The following GLB1 variants were observed in gnomAD, a reference collection of about 807,000 sequenced individuals.
The protein encoded by GLB1 is galactosidase beta 1, also known as beta-galactosidase.
GLB1 carries 56 observed loss-of-function variants against 74.0 expected under a neutral mutation model. That is an observed-to-expected ratio of 0.76 (90% CI 0.61 to 0.94). The LOEUF (loss-of-function observed/expected upper bound fraction) is 0.94, where lower values mean the gene tolerates loss of function less well. GLB1 is among the 40% of genes least tolerant of loss of function. The pLI is 0.00. For synonymous variants in GLB1, 323 were observed against 323.6 expected (o/e 1.00, Z 0.02); for missense variants, 787 against 845.5 (o/e 0.93, Z 0.86).
intron 10 of GLB1, among the ~76,000 whole-genome samples, chr3:33,044,406 C>A (rs1698661241): frequency 6.6e-6 from 1 of 151,884 alleles, no homozygotes. Flanking sequence ...CACAGCAGTA[C>A]TTGAAGGAAA....
At chr3:32,966,878 C>T in the GLB1 span, among the ~76,000 whole-genome samples, 18 of 152,174 alleles carry the variant, frequency 1.2e-4, no homozygotes, top group Non-Finnish European at 2.2e-4. Flanking sequence ...CCATGTAAGA[C>T]GTGCCTTTGC....
chr3:33,067,917 G>A (rs186556094), intron 4 of GLB1, among the ~76,000 whole-genome samples: 2 of 152,188 alleles, frequency 1.3e-5, no homozygotes, highest in East Asian at 3.9e-4. Flanking sequence ...ACAGAGTCAC[G>A]CTTTGTCACC....
At chr3:32,975,191 C>T in the GLB1 span, among the ~76,000 whole-genome samples, 164 of 152,258 alleles carry the variant, frequency 1.1e-3, 1 homozygote, top group African/African-American at 3.1e-3. Flanking sequence ...AAGTGATCCT[C>T]CCACCTCAGC....
chr3:33,036,103 G>C lies in GLB1; in HGVS notation c.1068+10017C>G, dbSNP rs143766434. Among the ~76,000 whole-genome samples, 363 of 152,264 alleles carry C rather than the reference G, an allele frequency of 2.4e-3. 4 individuals carry two copies. The highest frequency in any genetic ancestry group is 4.1e-3 in the Admixed American group (63 of 15,292). ...AGATTGGAAGTAAGATCCCTTCCTG[G>C]CCAGTCAATACTGAAGTTTAAAATT... On this transcript the variant is annotated intron_variant, in intron 10 of 15. Transcript: ENST00000307363.
chr3:32,973,943 C>T, the GLB1 span, among the ~76,000 whole-genome samples: 1 of 152,122 alleles, frequency 6.6e-6, no homozygotes, highest in East Asian at 1.9e-4. Context: ...AGCTCAGATC[C>T]TGTAGGGTAA....
intron 10 of GLB1, chr3:33,034,483 G>T: frequency 1.4e-6 from 1 of 732,998 alleles, no homozygotes; most frequent in East Asian, 2.5e-5. Context: ...ACAGTGACTG[G>T]GTTTGAGATG....
At chr3:33,052,399 C>T (rs375268424) in intron 7 of GLB1, among the ~76,000 whole-genome samples, 6 of 152,058 alleles carry the variant, frequency 3.9e-5, no homozygotes, top group East Asian at 1.9e-4. Flanking sequence ...TTTGGGAGGC[C>T]GAGGTGGGCG....
In GLB1 at chr3:33,045,933, C is replaced by T; in HGVS notation, c.1068+187G>A. The T allele has an allele frequency of 4.4e-6, 4 of 919,410 alleles. No homozygotes were observed. In the South Asian group the frequency reaches 6.0e-5, roughly 14 times the overall value. The allele number at this position is 919,410 out of a possible 1,614,324, so 57.0% of individuals were successfully genotyped here. A position where few individuals can be genotyped will look rare whatever the true frequency, so the allele number is the denominator to read the frequency against. ...CTTATATCTCCTACTCTCCTATAAG[C>T]ATCTGCTCATAGACTCACTCTTAAC... On this transcript the variant is annotated intron_variant, in intron 10 of 15. Coordinates refer to ENST00000307363, the MANE Select transcript of GLB1 (RefSeq NM_000404.4).
At chr3:33,026,147 A>C (rs1161687721) in intron 10 of GLB1, among the ~76,000 whole-genome samples, 1 of 121,430 alleles carries the variant, frequency 8.2e-6, no homozygotes, top group Non-Finnish European at 2.0e-5. Context: ...TGCAGACGGA[A>C]ACATCTCTGC....
chr3:33,027,227 G>C (rs907166194), intron 10 of GLB1, among the ~76,000 whole-genome samples: 3 of 152,256 alleles, frequency 2.0e-5, no homozygotes, highest in Admixed American at 2.0e-4. Context: ...TCCAGCTGCA[G>C]CCTTGCAGAG....
chr3:32,978,489 T>C, the GLB1 span, among the ~76,000 whole-genome samples: 3 of 152,152 alleles, frequency 2.0e-5, no homozygotes, highest in African/African-American at 7.2e-5. Flanking sequence ...TCTGATACAA[T>C]AGGAGTTTTG....
At chr3:33,043,866 T>G (rs772525128) in intron 10 of GLB1, among the ~76,000 whole-genome samples, 14 of 36,466 alleles carry the variant, frequency 3.8e-4, no homozygotes, top group Non-Finnish European at 1.1e-3. Flanking sequence ...AAAAAAAGGC[T>G]TCCAGGCAAA....
intron 1 of GLB1, among the ~76,000 whole-genome samples, chr3:33,081,295 G>A (rs1019436458): frequency 1.1e-4 from 17 of 152,172 alleles, no homozygotes; most frequent in Non-Finnish European, 2.2e-4. Context: ...ATCCCAGGCC[G>A]GATATGGGGA....
At chr3:33,018,130 CAAAACATT>C (rs1697310652) in intron 13 of GLB1, among the ~76,000 whole-genome samples, 1 of 151,434 alleles carries the variant, frequency 6.6e-6, no homozygotes, top group Non-Finnish European at 1.5e-5. Context: ...CAAAAAAAAT[CAAAACATT>C]AGCCAGGCAT....
rs577402223 is a variant in GLB1 at position 33,069,310 on chromosome 3, G to A, written c.246-340C>T. On this transcript the variant is annotated intron_variant, in intron 2 of 15. Transcript: ENST00000307363. ...TTGAGGTGGAGGTTTGCTTAAGCTA[G>A]GGAGGTTGAAGCTGCAGTGAGCTGT... 2.1e-4 allele frequency among the ~76,000 whole-genome samples: 32 copies of A among 152,316 alleles called. No homozygotes were observed. The East Asian group carries it at 5.6e-3, about 27-fold the overall frequency.
At chr3:33,006,934 G>A (rs533278858) in intron 15 of GLB1, among the ~76,000 whole-genome samples, 165 of 152,192 alleles carry the variant, frequency 1.1e-3, no homozygotes, top group Non-Finnish European at 1.9e-3. Flanking sequence ...ACCCCACACC[G>A]CAACTGCCAG....
chr3:33,049,128 C>T (rs1052941987), intron 9 of GLB1, among the ~76,000 whole-genome samples: 1 of 152,032 alleles, frequency 6.6e-6, no homozygotes, highest in Non-Finnish European at 1.5e-5. Flanking sequence ...AAAAACGATG[C>T]CTTTTTTCCT....
the GLB1 span, among the ~76,000 whole-genome samples, chr3:32,967,458 T>C: frequency 6.6e-6 from 1 of 152,102 alleles, no homozygotes; most frequent in Non-Finnish European, 1.5e-5. Context: ...TCCCAGCTAC[T>C]AGGGAGGCTG....
chr3:33,038,085 G>T (rs1254758823), intron 10 of GLB1: 1 of 145,000 alleles, frequency 6.9e-6, no homozygotes, highest in Non-Finnish European at 1.5e-5. Context: ...TTGCATATCT[G>T]CCATATCTTT....
Sources: gnomAD v4.1 joint callset for allele counts (sites outside exome capture counted in the v4.1 genomes callset) on GRCh38, gnomAD v4.1.1 for gene constraint, MANE v1.5 for transcripts, NCBI Gene and HGNC (gene_info 2026-07-23, HGNC 2026-07-21) for gene names.